The following JAKMIP2 variants were observed in gnomAD, a reference collection of about 807,000 sequenced individuals.
The protein encoded by JAKMIP2 is janus kinase and microtubule-interacting protein 2.
JAKMIP2 carries 25 observed loss-of-function variants against 115.0 expected under a neutral mutation model. The observed-to-expected ratio is 0.22, with a 90% CI of 0.16 to 0.30. The LOEUF (loss-of-function observed/expected upper bound fraction) is 0.30, where lower values mean the gene tolerates loss of function less well. Ranked by LOEUF, JAKMIP2 falls within the 10% of genes least tolerant of loss-of-function variation. The probability of loss-of-function intolerance (pLI) is 1.00; values close to 1 mark genes in which losing one functional copy is unlikely to be tolerated. For synonymous variants in JAKMIP2, 334 were observed against 343.6 expected (o/e 0.97, Z 0.31); for missense variants, 642 against 957.6 (o/e 0.67, Z 4.35).
At chr5:147,609,026 T>C (rs149363204) in intron 20 of JAKMIP2, among the ~76,000 whole-genome samples, 227 of 151,724 alleles carry the variant, frequency 1.5e-3, no homozygotes, top group African/African-American at 5.2e-3. Context: ...TCCATTTGCT[T>C]GGTAAATCTT....
At chr5:147,637,981 C>T (rs72835138) in intron 10 of JAKMIP2, among the ~76,000 whole-genome samples, 20,378 of 152,060 alleles carry the variant, frequency 0.13, 1,720 homozygotes, top group Admixed American at 0.2. Context: ...GAAAGATATC[C>T]TTATTCATTG....
rs1755798498 is a variant in JAKMIP2, at chr5:147,782,469, G to A, written c.-162C>T. 1.3e-6 allele frequency: 2 copies of A among 1,535,836 alleles called. No individual in the cohort carries two copies. The highest frequency in any genetic ancestry group is 2.7e-5 in the African/African-American group (2 of 73,006). ...TTTCCTACTCACCATGCTGAGACCCGGAGAAGCTGTTTAAAGGAGGGAGAG... is the reference window on the plus strand; with the variant it reads ...TTTCCTACTCACCATGCTGAGACCCAGAGAAGCTGTTTAAAGGAGGGAGAG... On this transcript the variant is annotated 5_prime_UTR_variant, in exon 1 of 22. Coordinates refer to ENST00000616793, the MANE Select transcript of JAKMIP2 (RefSeq NM_001270941.2).
chr5:147,586,539 A>T lies in JAKMIP2; in HGVS notation c.*5168T>A, dbSNP rs1754876511. On this transcript the variant is annotated 3_prime_UTR_variant, in exon 22 of 22. Coordinates refer to ENST00000616793, the MANE Select transcript of JAKMIP2 (RefSeq NM_001270941.2). ...AAAGTTGTTTAACTTTACCATTCTC[A>T]CCCTACAGAACTTTGCATATAACAA... 6.6e-6 allele frequency: 1 copy of T among 151,962 alleles called. No homozygotes were observed. Among genetic ancestry groups the T allele is most frequent in the Admixed American group, 6.6e-5 (1 of 15,252 alleles). 9.4% of individuals were successfully genotyped at this position (151,962 alleles called of 1,614,324 possible).
At chr5:147,670,218 G>A (rs1462367523) in intron 2 of JAKMIP2, among the ~76,000 whole-genome samples, 5 of 152,124 alleles carry the variant, frequency 3.3e-5, no homozygotes, top group African/African-American at 9.7e-5. Context: ...AGATCCAAAG[G>A]CCACTTATTA....
intron 1 of JAKMIP2, among the ~76,000 whole-genome samples, chr5:147,687,830 T>C (rs1391632651): frequency 6.6e-6 from 1 of 152,202 alleles, no homozygotes; most frequent in Non-Finnish European, 1.5e-5. Context: ...GTACATGTAT[T>C]AACTCATTAA....
intron 1 of JAKMIP2, among the ~76,000 whole-genome samples, chr5:147,704,969 C>A (rs1752507278): frequency 1.3e-5 from 2 of 152,144 alleles, no homozygotes; most frequent in Admixed American, 6.5e-5. Flanking sequence ...TTACAAGGTA[C>A]AAGCAAACAT....
chr5:147,728,141 C>T (rs1249846430), intron 1 of JAKMIP2, among the ~76,000 whole-genome samples: 1 of 152,030 alleles, frequency 6.6e-6, no homozygotes, highest in Non-Finnish European at 1.5e-5. Context: ...TTTATAATAA[C>T]TAGGTAGGAA....
chr5:147,668,369 A>G (rs1759407430), intron 2 of JAKMIP2, among the ~76,000 whole-genome samples: 1 of 152,198 alleles, frequency 6.6e-6, no homozygotes, highest in Non-Finnish European at 1.5e-5. Context: ...CATGGTGTCC[A>G]TAGAAGAGAC....
At chr5:147,742,973 A>T (rs186853151) in intron 1 of JAKMIP2, among the ~76,000 whole-genome samples, 1 of 152,348 alleles carries the variant, frequency 6.6e-6, no homozygotes, top group East Asian at 1.9e-4. Context: ...GACTCACCTT[A>T]GAATTCCATA....
chr5:147,611,875 C>T (rs1756344992), intron 20 of JAKMIP2, among the ~76,000 whole-genome samples: 1 of 152,138 alleles, frequency 6.6e-6, no homozygotes, highest in Non-Finnish European at 1.5e-5. Flanking sequence ...CATATATCAA[C>T]CCAAGTTTCT....
intron 1 of JAKMIP2, among the ~76,000 whole-genome samples, chr5:147,704,020 T>C (rs575015463): frequency 3.3e-5 from 5 of 152,194 alleles, no homozygotes; most frequent in Non-Finnish European, 7.4e-5. Context: ...CTGTCTTCCA[T>C]CTCCACAGCC....
chr5:147,703,694 G>C (rs1228519754), intron 1 of JAKMIP2, among the ~76,000 whole-genome samples: 2 of 151,032 alleles, frequency 1.3e-5, no homozygotes, highest in African/African-American at 4.9e-5. Context: ...CAAAGTGCTG[G>C]GATTACAAGC....
At chr5:147,707,804 A>T (rs1313217440) in intron 1 of JAKMIP2, among the ~76,000 whole-genome samples, 1 of 152,174 alleles carries the variant, frequency 6.6e-6, no homozygotes, top group Non-Finnish European at 1.5e-5. Flanking sequence ...GTAAGTACAG[A>T]GTCTTCTTAG....
intron 1 of JAKMIP2, among the ~76,000 whole-genome samples, chr5:147,771,123 A>T (rs1042320069): frequency 5.9e-5 from 9 of 152,084 alleles, no homozygotes; most frequent in Non-Finnish European, 7.4e-5. Context: ...TTCTTCATTT[A>T]CTTTAATTTT....
rs377624196 is a variant in JAKMIP2, at chr5:147,640,806, C to T, written c.1299G>A (p.Pro433=). 433 of 1,613,176 alleles carry T rather than the reference C, an allele frequency of 2.7e-4. 4 individuals are homozygous for T. The South Asian group carries it at 3.2e-3, about 12-fold the overall frequency. ...SKPIKRPVLD[P]FIGYDEDSMD... ...TAGAGTCCTCATCATAGCCAATAAA[C>T]GGGTCCAAAACAGGCCTCTAAATGG... is the stretch of plus-strand genomic sequence containing the variant. The change falls in exon 9 of 22, where the codon CCG becomes CCA. Residue 433 remains proline, a synonymous_variant. Transcript: ENST00000616793.
chr5:147,765,355 A>T (rs866281500), intron 1 of JAKMIP2, among the ~76,000 whole-genome samples: 4 of 152,218 alleles, frequency 2.6e-5, no homozygotes, highest in Middle Eastern at 6.8e-3. Flanking sequence ...GTGATGATGT[A>T]ATTACTTTGG....
intron 1 of JAKMIP2, among the ~76,000 whole-genome samples, chr5:147,706,493 T>A (rs1752565560): frequency 6.6e-6 from 1 of 152,172 alleles, no homozygotes; most frequent in Non-Finnish European, 1.5e-5. Context: ...TACAAATTAT[T>A]TTCTTAACAC....
At chr5:147,750,320 A>G (rs929679920) in intron 1 of JAKMIP2, among the ~76,000 whole-genome samples, 1 of 152,062 alleles carries the variant, frequency 6.6e-6, no homozygotes, top group East Asian at 1.9e-4. Context: ...CAAGGGACAC[A>G]ATCCTCATAT....
intron 1 of JAKMIP2, among the ~76,000 whole-genome samples, chr5:147,779,520 A>T (rs999396302): frequency 8.5e-5 from 13 of 152,114 alleles, no homozygotes; most frequent in African/African-American, 3.1e-4. Flanking sequence ...ATATGAAATA[A>T]TTTTAATATA....
Sources: allele counts gnomAD v4.1 joint callset (sites outside exome capture counted in the v4.1 genomes callset), GRCh38; gene constraint gnomAD v4.1.1; transcripts MANE v1.5; gene names NCBI Gene and HGNC (gene_info 2026-07-23, HGNC 2026-07-21).